Variants in DAPK1 observed in about 807,000 individuals in gnomAD.
The protein encoded by DAPK1 is death associated protein kinase 1.
A neutral mutation model predicts 144.9 loss-of-function variants in DAPK1; 56 were observed. The ratio of observed to expected loss-of-function variants is 0.39; its 90% CI spans 0.31 to 0.48. DAPK1 has a LOEUF of 0.48. Among genes scored for constraint, DAPK1 ranks in the 20% least tolerant of loss-of-function variants. The pLI, the probability that DAPK1 is intolerant of heterozygous loss-of-function variation, is 0.95. For synonymous variants in DAPK1, 690 were observed against 749.0 expected (o/e 0.92, Z 1.29); for missense variants, 1,454 against 1,875.4 (o/e 0.78, Z 4.15).
intron 3 of DAPK1, among the ~76,000 whole-genome samples, chr9:87,623,292 A>G (rs1051468947): frequency 1.3e-5 from 2 of 152,236 alleles, no homozygotes; most frequent in Admixed American, 6.5e-5. Flanking sequence ...CTTATGAATG[A>G]AAGTGATTAC....
At chr9:87,499,175 G>T (rs1165843151) in intron 2 of DAPK1, 36 bp downstream of exon 2, 5 of 1,570,194 alleles carry the variant, frequency 3.2e-6, no homozygotes, top group Middle Eastern at 3.3e-4. Context: ...CTCCTGGATT[G>T]TGGAAATGCA....
chr9:87,659,799 G>GC (rs749748855), intron 18 of DAPK1, among the ~76,000 whole-genome samples: 4 of 148,632 alleles, frequency 2.7e-5, no homozygotes, highest in Non-Finnish European at 5.9e-5. Flanking sequence ...TCATTCTGCA[G>GC]CCCCCTCAGT....
intron 2 of DAPK1, among the ~76,000 whole-genome samples, chr9:87,560,087 T>A (rs929015179): frequency 1.3e-5 from 2 of 151,362 alleles, no homozygotes; most frequent in Non-Finnish European, 2.9e-5. Context: ...TCCTCCCGGG[T>A]TCAAGCTATT....
chr9:87,605,234 C>T lies in DAPK1; in HGVS notation c.284+59C>T, dbSNP rs1474853220. On this transcript the variant is annotated intron_variant, in intron 3 of 25. Coordinates refer to ENST00000408954, the MANE Select transcript of DAPK1 (RefSeq NM_004938.4). ...TGTGGTGGGCGTCAGCTGGCATCTT[C>T]GTTCCAGCTGGACCACGCCACAGCG... 2.2e-5 allele frequency: 31 copies of T among 1,413,088 alleles called. No homozygotes were observed. In the East Asian group the frequency reaches 3.2e-4, roughly 15 times the overall value. The allele number at this position is 1,413,088 out of a possible 1,614,324, so 87.5% of individuals were successfully genotyped here.
rs1348342501 is a variant in DAPK1, at chr9:87,706,582, G to A, written c.3511G>A (p.Val1171Met). ...TEGDADIRLW[V>M]NGCKLANRGA... ...GGGCGACGCGGACATCCGCCTGTGG[G>A]TGAATGGCTGCAAGCTGGCCAACCG... The change falls in exon 26 of 26, where the codon GTG (valine) becomes ATG (methionine). Residue 1171 changes from valine to methionine, a missense_variant. Physicochemically the swap from Val to Met is conservative, Grantham distance 21. Around this residue, in one of 2 missense-constraint regions of DAPK1, gnomAD observed 1,025 missense variants for 1,237.9 expected, o/e 0.83. Transcript: ENST00000408954. This position sits in a 1 kb window ranked among gnomAD's most constrained non-coding sequence, Gnocchi z 9.0. The A allele has an allele frequency of 1.2e-5, 20 of 1,613,778 alleles. No homozygotes were observed. Among genetic ancestry groups the A allele is most frequent in the Non-Finnish European group, 1.6e-5 (19 of 1,179,892 alleles).
intron 2 of DAPK1, among the ~76,000 whole-genome samples, chr9:87,521,972 A>G (rs145643256): frequency 0.017 from 2,643 of 152,312 alleles, 110 homozygotes; most frequent in Admixed American, 0.097. Flanking sequence ...AGGCCCAAGC[A>G]TATTTAGTGA....
intron 2 of DAPK1, among the ~76,000 whole-genome samples, chr9:87,584,141 TTAAC>T (rs1827853042): frequency 1.3e-5 from 2 of 152,208 alleles, no homozygotes; most frequent in Non-Finnish European, 2.9e-5. Flanking sequence ...ATGATGAAAT[TTAAC>T]TAATTAATGT....
chr9:87,635,387 G>A (rs1253450919), intron 3 of DAPK1, among the ~76,000 whole-genome samples: 1 of 152,078 alleles, frequency 6.6e-6, no homozygotes, highest in Non-Finnish European at 1.5e-5. Flanking sequence ...GACAACACAA[G>A]CAGAATGCGA....
At chr9:87,650,771 T>C (rs1676783421) in intron 16 of DAPK1, among the ~76,000 whole-genome samples, 1 of 152,238 alleles carries the variant, frequency 6.6e-6, no homozygotes, top group African/African-American at 2.4e-5. Context: ...GGATACTTTC[T>C]GGTTGTCACA....
intron 17 of DAPK1, among the ~76,000 whole-genome samples, chr9:87,656,523 G>A (rs748024997): frequency 1.3e-5 from 2 of 152,074 alleles, no homozygotes; most frequent in Non-Finnish European, 2.9e-5. Context: ...TCCTTCTCAC[G>A]TGAACTCTAG....
At chr9:87,671,679 A>C (rs1267765105) in intron 19 of DAPK1, among the ~76,000 whole-genome samples, 2 of 152,114 alleles carry the variant, frequency 1.3e-5, no homozygotes, top group African/African-American at 2.4e-5. Flanking sequence ...CCACCTGGCT[A>C]ATTTTTAACA....
intron 3 of DAPK1, among the ~76,000 whole-genome samples, chr9:87,634,620 A>G (rs1587793236): frequency 2.0e-5 from 3 of 152,206 alleles, no homozygotes; most frequent in African/African-American, 7.2e-5. Context: ...GGATGGCACA[A>G]TCACGGTGCA....
intron 3 of DAPK1, among the ~76,000 whole-genome samples, chr9:87,622,678 A>G (rs1386702928): frequency 1.3e-5 from 2 of 152,144 alleles, no homozygotes; most frequent in Non-Finnish European, 2.9e-5. Flanking sequence ...TGGGAGGCCG[A>G]GGCAGGTGGA....
chr9:87,679,812 A>T (rs1414395415), intron 19 of DAPK1, among the ~76,000 whole-genome samples: 1 of 152,160 alleles, frequency 6.6e-6, no homozygotes, highest in Non-Finnish European at 1.5e-5. Context: ...TTGTGTTCCC[A>T]GCCCCCTCTG....
At chr9:87,685,969 T>G (rs1402722237) in intron 20 of DAPK1, among the ~76,000 whole-genome samples, 1 of 152,242 alleles carries the variant, frequency 6.6e-6, no homozygotes, top group Non-Finnish European at 1.5e-5. Flanking sequence ...AGGCCTCAAG[T>G]GGAGACTCGC....
chr9:87,691,218 A>G (rs1009662540), intron 21 of DAPK1, among the ~76,000 whole-genome samples: 6 of 152,030 alleles, frequency 3.9e-5, no homozygotes, highest in East Asian at 1.9e-4. Context: ...TTCTGATTCA[A>G]TCTTTGTAAA....
intron 2 of DAPK1, among the ~76,000 whole-genome samples, chr9:87,509,922 A>G (rs2118096468): frequency 6.6e-6 from 1 of 152,356 alleles, no homozygotes; most frequent in Non-Finnish European, 1.5e-5. Context: ...CAGTGGCACC[A>G]GTGAGCTCAC....
chr9:87,614,449 C>T (rs544891910), intron 3 of DAPK1, among the ~76,000 whole-genome samples: 1 of 152,348 alleles, frequency 6.6e-6, no homozygotes, highest in Non-Finnish European at 1.5e-5. Context: ...TGCTTAGTCA[C>T]AGCTCCAGGC....
At chr9:87,655,382 T>C (rs766712015) in intron 17 of DAPK1, among the ~76,000 whole-genome samples, 9 of 151,918 alleles carry the variant, frequency 5.9e-5, no homozygotes, top group Non-Finnish European at 1.2e-4. Flanking sequence ...GGAAAGGTGA[T>C]GGGGGCTTTA....
Sources: allele counts gnomAD v4.1 joint callset (sites outside exome capture counted in the v4.1 genomes callset), GRCh38; gene constraint gnomAD v4.1.1; regional missense constraint gnomAD v4.1.1; non-coding constraint Gnocchi (gnomAD v3.1); transcripts MANE v1.5; gene names NCBI Gene and HGNC (gene_info 2026-07-23, HGNC 2026-07-21).